Variants in SPAG16 observed in about 807,000 individuals in gnomAD.
SPAG16 encodes the protein sperm-associated antigen 16 protein.
SPAG16 carries 86 observed loss-of-function variants against 80.4 expected under a neutral mutation model. The ratio of observed to expected loss-of-function variants is 1.07; its 90% CI spans 0.90 to 1.28. SPAG16 has a LOEUF of 1.28. Among genes scored for constraint, SPAG16 ranks in the 50% most tolerant of loss-of-function variants. The pLI is 0.00. For synonymous variants in SPAG16, 294 were observed against 265.9 expected, an observed-to-expected ratio of 1.11 and a Z score of -1.03; for missense variants, 870 against 765.3, an observed-to-expected ratio of 1.14 and a Z score of -1.61.
rs572064534 is a variant in SPAG16, at chr2:214,287,251, T to G, written c.1721-122889T>G. On this transcript the variant is annotated intron_variant, in intron 15 of 15. Transcript: ENST00000331683. ...TCTATCTGTACAAGCACTGAAAGTA[T>G]TTGAAAGTAGAAATTACTCTTCAAA... Among the ~76,000 whole-genome samples, 12 of 152,348 alleles carry G rather than the reference T, an allele frequency of 7.9e-5. No individual in the cohort carries two copies. In the South Asian group the frequency reaches 2.3e-3, roughly 29 times the overall value.
chr2:213,888,860 A>G (rs2076668484), intron 11 of SPAG16, among the ~76,000 whole-genome samples: 1 of 151,976 alleles, frequency 6.6e-6, no homozygotes, highest in South Asian at 2.1e-4. Flanking sequence ...CACTCCTACA[A>G]GGGATAAAAA....
At chr2:213,651,234 T>C (rs2063006403) in intron 10 of SPAG16, among the ~76,000 whole-genome samples, 1 of 152,028 alleles carries the variant, frequency 6.6e-6, no homozygotes, top group South Asian at 2.1e-4. Flanking sequence ...TCTCTGTAAA[T>C]TTGCTGATTT....
At chr2:214,205,918 G>T (rs1017898948) in intron 15 of SPAG16, among the ~76,000 whole-genome samples, 1 of 151,982 alleles carries the variant, frequency 6.6e-6, no homozygotes, top group African/African-American at 2.4e-5. Context: ...ATAACTGGCC[G>T]GGCGCAGTGG....
chr2:214,049,367 G>T (rs1253046182), intron 13 of SPAG16, among the ~76,000 whole-genome samples: 1 of 152,022 alleles, frequency 6.6e-6, no homozygotes, highest in Non-Finnish European at 1.5e-5. Context: ...AAACATGAAA[G>T]TTGCTTTTTT....
At chr2:213,623,559 G>T (rs182156426) in intron 10 of SPAG16, among the ~76,000 whole-genome samples, 74 of 151,778 alleles carry the variant, frequency 4.9e-4, no homozygotes, top group Non-Finnish European at 1.0e-3. Flanking sequence ...CTTTCTACCT[G>T]GCATTTAAAC....
At chr2:213,356,298 AT>A (rs2065646516) in intron 7 of SPAG16, among the ~76,000 whole-genome samples, 1 of 152,098 alleles carries the variant, frequency 6.6e-6, no homozygotes, top group Non-Finnish European at 1.5e-5. Context: ...TTCTCTATTG[AT>A]TGGAATAGTT....
At chr2:213,685,287 A>G (rs534167541) in intron 10 of SPAG16, among the ~76,000 whole-genome samples, 7 of 152,240 alleles carry the variant, frequency 4.6e-5, no homozygotes, top group African/African-American at 1.7e-4. Context: ...CCCCAATCCA[A>G]TATGACGCGT....
chr2:213,856,756 A>T (rs1169504755), intron 10 of SPAG16, among the ~76,000 whole-genome samples: 1 of 152,180 alleles, frequency 6.6e-6, no homozygotes, highest in Non-Finnish European at 1.5e-5. Context: ...GAGTCCCAAG[A>T]CTGCACAAAG....
chr2:214,372,914 T>C (rs1699910626), intron 15 of SPAG16, among the ~76,000 whole-genome samples: 1 of 152,156 alleles, frequency 6.6e-6, no homozygotes, highest in Non-Finnish European at 1.5e-5. Flanking sequence ...GAAATGGAGC[T>C]ATTCAAATAT....
At chr2:214,389,132 G>T (rs188118317) in intron 15 of SPAG16, among the ~76,000 whole-genome samples, 8 of 152,180 alleles carry the variant, frequency 5.3e-5, no homozygotes, top group African/African-American at 1.4e-4. Flanking sequence ...TAACCCACAA[G>T]AATAAAATAT....
At chr2:214,165,011 G>C (rs571133269) in intron 15 of SPAG16, among the ~76,000 whole-genome samples, 1 of 152,154 alleles carries the variant, frequency 6.6e-6, no homozygotes, top group African/African-American at 2.4e-5. Flanking sequence ...CTACTTTCTA[G>C]TTCCACATCA....
At chr2:213,860,357 ATATATATG>A (rs57056536) in intron 10 of SPAG16, among the ~76,000 whole-genome samples, 46,652 of 142,752 alleles carry the variant, frequency 0.33, 8,198 homozygotes, top group South Asian at 0.46. Context: ...ATATATATAT[ATATATATG>A]TGTGTGTGTG....
chr2:213,651,305 G>A (rs1415119970), intron 10 of SPAG16, among the ~76,000 whole-genome samples: 1 of 152,134 alleles, frequency 6.6e-6, no homozygotes, highest in Non-Finnish European at 1.5e-5. Flanking sequence ...GAAAAAGAAG[G>A]ATGTAAAGTG....
intron 15 of SPAG16, among the ~76,000 whole-genome samples, chr2:214,164,011 A>G (rs1420957435): frequency 2.6e-5 from 4 of 152,096 alleles, no homozygotes; most frequent in Admixed American, 2.0e-4. Flanking sequence ...CGGGTACCAT[A>G]TGTACAATGG....
chr2:213,464,742 G>T (rs529908495), intron 9 of SPAG16, among the ~76,000 whole-genome samples: 84 of 152,304 alleles, frequency 5.5e-4, no homozygotes, highest in Non-Finnish European at 1.0e-3. Context: ...TGACCTGTTT[G>T]ACCATTTTTA....
intron 10 of SPAG16, among the ~76,000 whole-genome samples, chr2:213,562,802 C>T (rs2059635905): frequency 6.6e-6 from 1 of 151,238 alleles, no homozygotes; most frequent in African/African-American, 2.4e-5. Flanking sequence ...GTGGAAGGGA[C>T]AGATTTGATG....
chr2:213,589,023 T>A (rs2060584961), intron 10 of SPAG16, among the ~76,000 whole-genome samples: 1 of 152,058 alleles, frequency 6.6e-6, no homozygotes, highest in African/African-American at 2.4e-5. Flanking sequence ...CATAACTTTT[T>A]AAAATTTATA....
chr2:213,689,577 C>T (rs1425301619), intron 10 of SPAG16, among the ~76,000 whole-genome samples: 1 of 129,954 alleles, frequency 7.7e-6, no homozygotes, highest in Non-Finnish European at 1.6e-5. Context: ...AAAAGTGTGA[C>T]CTCTCTAAGA....
chr2:213,697,593 AAC>A (rs1313526814), intron 10 of SPAG16, among the ~76,000 whole-genome samples: 1 of 152,216 alleles, frequency 6.6e-6, no homozygotes, highest in African/African-American at 2.4e-5. Context: ...TTATAAGAGG[AAC>A]ACCATGATTT....
Sources: allele counts gnomAD v4.1 joint callset (sites outside exome capture counted in the v4.1 genomes callset), GRCh38; gene constraint gnomAD v4.1.1; transcripts MANE v1.5; gene names NCBI Gene and HGNC (gene_info 2026-07-23, HGNC 2026-07-21).